SLC14A2: variants seen among roughly 807,000 people sequenced by gnomAD.
The protein encoded by SLC14A2 is urea transporter 2.
Under a neutral mutation model 104.6 loss-of-function variants are expected in SLC14A2, and 91 were observed. The observed-to-expected ratio is 0.87, with a 90% CI of 0.73 to 1.04. SLC14A2 has a LOEUF of 1.04. Ranked by LOEUF, SLC14A2 falls within the 50% of genes least tolerant of loss-of-function variation. The pLI is 0.00. For synonymous variants in SLC14A2, 476 were observed against 466.4 expected, an observed-to-expected ratio of 1.02 and a Z score of -0.27; for missense variants, 1,189 against 1,156.0, an observed-to-expected ratio of 1.03 and a Z score of -0.41.
chr18:45,326,191 A>G (rs760881973), intron 1 of SLC14A2, among the ~76,000 whole-genome samples: 6 of 152,236 alleles, frequency 3.9e-5, no homozygotes, highest in Non-Finnish European at 7.3e-5. Context: ...TAGCCAGAAG[A>G]AAAACAGTAA....
At chr18:45,336,103 G>A (rs1044841475) in intron 1 of SLC14A2, among the ~76,000 whole-genome samples, 3 of 152,134 alleles carry the variant, frequency 2.0e-5, no homozygotes, top group Non-Finnish European at 2.9e-5. Flanking sequence ...CCCTAAAGGA[G>A]CAAGTGCCTG....
intron 2 of SLC14A2, among the ~76,000 whole-genome samples, chr18:45,591,279 A>G (rs796708597): frequency 1.3e-5 from 2 of 152,328 alleles, no homozygotes; most frequent in African/African-American, 4.8e-5. Flanking sequence ...AGTCCTGTTC[A>G]AATGCAGATT....
chr18:45,541,361 G>C (rs930879420), intron 2 of SLC14A2, among the ~76,000 whole-genome samples: 1 of 152,136 alleles, frequency 6.6e-6, no homozygotes, highest in Non-Finnish European at 1.5e-5. Context: ...CAAGACCATC[G>C]CATTAGCCAT....
chr18:45,196,194 T>G, the SLC14A2 span, among the ~76,000 whole-genome samples: 1 of 152,258 alleles, frequency 6.6e-6, no homozygotes, highest in Non-Finnish European at 1.5e-5. Flanking sequence ...TAATTCAGTA[T>G]GTACACAGAA....
chr18:45,355,556 C>T (rs9945238), intron 1 of SLC14A2, among the ~76,000 whole-genome samples: 46,157 of 128,940 alleles, frequency 0.36, 8,438 homozygotes, highest in African/African-American at 0.47. Context: ...CCAGCCTGGG[C>T]GACAGAGTGA....
intron 10 of SLC14A2, among the ~76,000 whole-genome samples, chr18:45,648,395 T>C (rs867751797): frequency 1.1e-4 from 16 of 151,962 alleles, no homozygotes; most frequent in East Asian, 5.8e-4. Flanking sequence ...TTAGTAGAGA[T>C]GGGGTTTCAC....
Position 45,669,396 on chromosome 18 carries a change from C to G in SLC14A2, c.2127C>G (p.Tyr709Ter). ...CCTTCAATATCACTGTGACTTTGTA[C>G]CTGGCAGCCACGGGCCACTACAACC... is the stretch of plus-strand genomic sequence containing the variant. ...TLPFNITVTLYLAATGHYNLF... is the reference protein window; with the variant it reads ...TLPFNITVTL Residue 709 changes from tyrosine (Y) to a stop codon, truncating the protein, a stop_gained, in exon 16 of 20, where the codon TAC becomes TAG. Transcript: ENST00000255226. LOFTEE classifies it high-confidence loss of function. The G allele has an allele frequency of 6.2e-7, 1 of 1,613,778 alleles. No homozygotes were observed. The highest frequency in any genetic ancestry group is 8.5e-7 in the Non-Finnish European group (1 of 1,179,948).
chr18:45,414,106 C>A (rs895083611), intron 1 of SLC14A2, among the ~76,000 whole-genome samples: 4 of 152,160 alleles, frequency 2.6e-5, no homozygotes, highest in African/African-American at 9.7e-5. Flanking sequence ...GAATAAGGAC[C>A]TGCATAATTT....
chr18:45,273,520 T>C, intron 1 of SLC14A2, among the ~76,000 whole-genome samples: 1 of 152,130 alleles, frequency 6.6e-6, no homozygotes, highest in East Asian at 1.9e-4. Flanking sequence ...GAACAGGTAG[T>C]GTGCAATACA....
intron 1 of SLC14A2, among the ~76,000 whole-genome samples, chr18:45,461,188 T>C (rs1380984435): frequency 6.6e-6 from 1 of 152,190 alleles, no homozygotes; most frequent in African/African-American, 2.4e-5. Flanking sequence ...TACTGAAAAT[T>C]GCAGGTCACA....
chr18:45,188,641 C>T, the SLC14A2 span, among the ~76,000 whole-genome samples: 1 of 152,128 alleles, frequency 6.6e-6, no homozygotes, highest in African/African-American at 2.4e-5. Context: ...TTCACCTTCT[C>T]CCAGATTTTC....
chr18:45,206,795 C>T, the SLC14A2 span, among the ~76,000 whole-genome samples: 1 of 152,160 alleles, frequency 6.6e-6, no homozygotes, highest in Non-Finnish European at 1.5e-5. Flanking sequence ...CTAAGGATAC[C>T]TACAGGGTGC....
the SLC14A2 span, among the ~76,000 whole-genome samples, chr18:45,178,538 A>G: frequency 6.6e-6 from 1 of 152,200 alleles, no homozygotes; most frequent in Admixed American, 6.6e-5. Context: ...TCTGAGTAGA[A>G]AAAATAGCAA....
At chr18:45,466,800 T>A (rs1229706520) in intron 1 of SLC14A2, among the ~76,000 whole-genome samples, 2 of 152,100 alleles carry the variant, frequency 1.3e-5, no homozygotes, top group East Asian at 3.9e-4. Context: ...GCACCCTGTA[T>A]ACCCCTGTGA....
chr18:45,553,836 T>G (rs1449750092), intron 2 of SLC14A2, among the ~76,000 whole-genome samples: 1 of 152,162 alleles, frequency 6.6e-6, no homozygotes, highest in Non-Finnish European at 1.5e-5. Context: ...GACAGCTTTC[T>G]TTCCCTCCTA....
At chr18:45,424,043 C>G (rs866272497) in intron 1 of SLC14A2, 1 of 152,206 alleles carries the variant, frequency 6.6e-6, no homozygotes, top group Non-Finnish European at 1.5e-5. Context: ...CAATGCCACT[C>G]TTGGGACTGG....
intron 10 of SLC14A2, among the ~76,000 whole-genome samples, chr18:45,663,542 T>C (rs1041660353): frequency 6.6e-6 from 1 of 152,164 alleles, no homozygotes; most frequent in Non-Finnish European, 1.5e-5. Flanking sequence ...TAAGGCAAAC[T>C]GCTCATCCAT....
intron 2 of SLC14A2, among the ~76,000 whole-genome samples, chr18:45,489,303 G>T (rs2087674253): frequency 6.6e-6 from 1 of 152,132 alleles, no homozygotes; most frequent in African/African-American, 2.4e-5. Context: ...TTGAGGTGAG[G>T]AGTTCAAGAC....
intron 1 of SLC14A2, among the ~76,000 whole-genome samples, chr18:45,235,414 T>G (rs1229403380): frequency 6.6e-6 from 1 of 152,200 alleles, no homozygotes; most frequent in Non-Finnish European, 1.5e-5. Flanking sequence ...TATTTCTTAG[T>G]GTTGGAAAAA....
Sources: gnomAD v4.1 joint callset for allele counts (sites outside exome capture counted in the v4.1 genomes callset) on GRCh38, gnomAD v4.1.1 for gene constraint, MANE v1.5 for transcripts, NCBI Gene and HGNC (gene_info 2026-07-23, HGNC 2026-07-21) for gene names.